CYP11A1: variants seen among roughly 807,000 people sequenced by gnomAD.
CYP11A1 encodes the protein cytochrome P450 family 11 subfamily A member 1.
In CYP11A1, 25 loss-of-function variants were observed where a neutral mutation model predicts 51.9. That is an observed-to-expected ratio of 0.48 (90% confidence interval 0.35 to 0.67). The LOEUF (loss-of-function observed/expected upper bound fraction) is 0.67, where lower values mean the gene tolerates loss of function less well. Ranked by LOEUF, CYP11A1 falls within the 30% of genes least tolerant of loss-of-function variation. The pLI, the probability that CYP11A1 is intolerant of heterozygous loss-of-function variation, is 0.00. For missense variants in CYP11A1, 578 were observed against 680.9 expected (o/e 0.85, Z 1.68); for synonymous variants, 245 against 262.1 (o/e 0.93, Z 0.63).
chr15:74,341,899 G>A (rs1419917020), intron 5 of CYP11A1, among the ~76,000 whole-genome samples: 1 of 152,188 alleles, frequency 6.6e-6, no homozygotes, highest in East Asian at 1.9e-4. Context: ...CCATCTACAA[G>A]CCAAGGAAAG....
intron 5 of CYP11A1, 25 bp downstream of exon 5, chr15:74,342,952 G>T (rs1201925653): frequency 1.9e-6 from 3 of 1,611,194 alleles, no homozygotes; most frequent in Non-Finnish European, 2.5e-6. Flanking sequence ...GGGGCAACAA[G>T]GTGCCGCCCC....
intron 2 of CYP11A1, among the ~76,000 whole-genome samples, chr15:74,346,870 T>C (rs1317655355): frequency 2.0e-5 from 3 of 150,696 alleles, no homozygotes; most frequent in Non-Finnish European, 4.4e-5. Context: ...GTGCCATCTC[T>C]CGTCACAGCA....
At position 74,344,325 on chromosome 15, in the gene CYP11A1, G is replaced by A. The variant is rs1425601221; in HGVS notation, c.626-333C>T. Reference sequence around the variant, plus strand: ...TTCCACCAAGAGAGATTCCTCATCTGTAATTGGCTGAATTGGCTAAATACT... The same window carrying A: ...TTCCACCAAGAGAGATTCCTCATCTATAATTGGCTGAATTGGCTAAATACT... On this transcript the variant is annotated intron_variant, in intron 3 of 8. Coordinates refer to ENST00000268053, the MANE Select transcript of CYP11A1 (RefSeq NM_000781.3). Among the ~76,000 whole-genome samples, 4 of 152,180 alleles carry A rather than the reference G, an allele frequency of 2.6e-5. No homozygotes were observed. The East Asian group carries it at 7.7e-4, about 29-fold the overall frequency.
At chr15:74,360,395 C>G (rs978036211) in intron 1 of CYP11A1, among the ~76,000 whole-genome samples, 2 of 152,032 alleles carry the variant, frequency 1.3e-5, no homozygotes, top group African/African-American at 4.8e-5. Context: ...AATTCTCTGC[C>G]CTAGCCTCCT....
In CYP11A1 at chr15:74,365,857, G is replaced by A. The variant is rs117987520; in HGVS notation, c.269+1460C>T. Reference sequence around the variant, plus strand: ...AGAAACGCATACCGGGTCGCTCCCTGCTTCGCCGCCGCCTCCTGGCAGGGC... The same window carrying A: ...AGAAACGCATACCGGGTCGCTCCCTACTTCGCCGCCGCCTCCTGGCAGGGC... On this transcript the variant is annotated intron_variant, in intron 1 of 8. Coordinates refer to ENST00000268053, the MANE Select transcript of CYP11A1 (RefSeq NM_000781.3). The A allele has an allele frequency of 0.024, 24,135 of 985,768 alleles. 334 individuals carry two copies. The highest frequency in any genetic ancestry group is 0.086 in the Middle Eastern group (164 of 1,914). 61.1% of individuals were successfully genotyped at this position (985,768 alleles called of 1,614,324 possible).
chr15:74,355,227 G>A (rs570034967), intron 1 of CYP11A1, among the ~76,000 whole-genome samples: 117 of 152,044 alleles, frequency 7.7e-4, no homozygotes, highest in African/African-American at 2.7e-3. Flanking sequence ...CAACTCACAC[G>A]TGACCTAAAA....
chr15:74,353,419 G>C (rs971764532), intron 1 of CYP11A1, among the ~76,000 whole-genome samples: 21 of 152,144 alleles, frequency 1.4e-4, no homozygotes, highest in African/African-American at 4.8e-4. Context: ...TTTTAATATA[G>C]TTAAGCATGA....
rs1338667344 is a variant in CYP11A1 at position 74,338,742 on chromosome 15, A to G, written c.1263T>C (p.Ala421=). 5.6e-6 allele frequency: 9 copies of G among 1,614,072 alleles called. No individual in the cohort carries two copies. Among genetic ancestry groups the G allele is most frequent in the Non-Finnish European group, 7.6e-6 (9 of 1,180,032 alleles). The change falls in exon 8 of 9, where the codon GCT becomes GCC. Residue 421 remains alanine (A), a synonymous_variant. Transcript: ENST00000268053. Reference sequence around the variant, plus strand: ...AGAAGAAGGTGGGCTCTCGGCCCAGAGCATAGATGGCCACTTGCACCAGTG... The same window carrying G: ...AGAAGAAGGTGGGCTCTCGGCCCAGGGCATAGATGGCCACTTGCACCAGTG... The part of the protein sequence containing the change: ...AKTLVQVAIY[A]LGREPTFFFD...
chr15:74,366,277 A>AGTTTTTTTTT (rs2060732743), intron 1 of CYP11A1: 1 of 682,450 alleles, frequency 1.5e-6, no homozygotes, highest in African/African-American at 2.7e-5. Flanking sequence ...CCCTCCCCCG[A>AGTTTTTTTTT]TTTTTTTTTT....
chr15:74,367,376 G>A lies in CYP11A1; in HGVS notation c.210C>T (p.Gly70=), dbSNP rs781071979. Residue 70 remains glycine, a synonymous_variant, in exon 1 of 9, where the codon GGC becomes GGT. Transcript: ENST00000268053. ...CATGGTGAAGGTGGACTTTGTGTGT[G>A]CCCGTCTCCCTCCAGAAATGGTACA... ...LNLYHFWRET[G]THKVHLHHVQ... is the part of the protein sequence containing the mutation. The A allele has an allele frequency of 5.6e-6, 9 of 1,614,160 alleles. No homozygotes were observed. Among genetic ancestry groups the A allele is most frequent in the Middle Eastern group, 1.6e-4 (1 of 6,062 alleles).
Position 74,347,985 on chromosome 15 carries a change from C to T in CYP11A1, c.340G>A (p.Glu114Lys), listed in dbSNP as rs1280778927. 1.2e-6 allele frequency: 2 copies of T among 1,614,140 alleles called. No individual in the cohort carries two copies. Among genetic ancestry groups the T allele is most frequent in the South Asian group, 1.1e-5 (1 of 91,080 alleles). ...AGGAATCGTTCTGGGTTGGGGCCCT[C>T]GGACTTAAAGAGAAGGGCCACATCT... ...PEDVALLFKS[E>K]GPNPERFLIP... Residue 114 changes from glutamate to lysine, a missense_variant, in exon 2 of 9, where the codon GAG (glutamate) becomes AAG (lysine). Transcript: ENST00000268053.
At chr15:74,366,029 T>A (rs2060731343) in intron 1 of CYP11A1, 1 of 985,802 alleles carries the variant, frequency 1.0e-6, no homozygotes, top group Non-Finnish European at 1.2e-6. Context: ...GACCTCGCCC[T>A]GAGGTAAACG....
chr15:74,345,391 A>C lies in CYP11A1; in HGVS notation c.426-148T>G. The C allele has an allele frequency of 1.3e-6, 1 of 778,970 alleles. No homozygotes were observed. The highest frequency in any genetic ancestry group is 2.7e-5 in the East Asian group (1 of 37,068). 48.3% of individuals were successfully genotyped at this position (778,970 alleles called of 1,614,324 possible). The stretch of plus-strand genomic sequence containing the variant: ...CAGGGCCTCTGCCCTCACCTCTCCG[A>C]GCACCCTCTGCCTCTCACCTCCTCC... On this transcript the variant is annotated intron_variant, in intron 2 of 8. Transcript: ENST00000268053. This position sits in a 1 kb window ranked among gnomAD's most constrained non-coding sequence, Gnocchi z 4.3.
At chr15:74,360,784 T>C (rs555098006) in intron 1 of CYP11A1, among the ~76,000 whole-genome samples, 58 of 152,070 alleles carry the variant, frequency 3.8e-4, no homozygotes, top group Admixed American at 1.9e-3. Context: ...CTGCCTGTAA[T>C]CCCAGCTACT....
At chr15:74,364,697 C>T (rs1216420034) in intron 1 of CYP11A1, 1 of 152,164 alleles carries the variant, frequency 6.6e-6, no homozygotes, top group East Asian at 1.9e-4. Flanking sequence ...AACAAAGGGG[C>T]TTAATAAAAT....
At chr15:74,351,337 T>G (rs1424252715) in intron 1 of CYP11A1, among the ~76,000 whole-genome samples, 1 of 152,184 alleles carries the variant, frequency 6.6e-6, no homozygotes, top group Non-Finnish European at 1.5e-5. Flanking sequence ...AAATCTTTTT[T>G]GCCTATGGTT....
intron 1 of CYP11A1, chr15:74,350,755 G>C (rs2060652255): frequency 6.6e-6 from 1 of 152,014 alleles, no homozygotes; most frequent in East Asian, 1.9e-4. Flanking sequence ...TCTGTTAACG[G>C]GGCCCCTGAG....
intron 1 of CYP11A1, among the ~76,000 whole-genome samples, chr15:74,349,123 A>C (rs12898858): frequency 6.6e-6 from 1 of 152,018 alleles, no homozygotes; most frequent in Non-Finnish European, 1.5e-5. Context: ...GGGAAAAGAT[A>C]GCATCTAACT....
chr15:74,360,451 TTTA>T (rs1287135574), intron 1 of CYP11A1, among the ~76,000 whole-genome samples: 1 of 151,884 alleles, frequency 6.6e-6, no homozygotes, highest in Admixed American at 6.5e-5. Context: ...TGGCTAATTT[TTTA>T]TTATTATTTT....
Sources: allele counts gnomAD v4.1 joint callset (sites outside exome capture counted in the v4.1 genomes callset), GRCh38; gene constraint gnomAD v4.1.1; non-coding constraint Gnocchi (gnomAD v3.1); transcripts MANE v1.5; gene names NCBI Gene and HGNC (gene_info 2026-07-23, HGNC 2026-07-21).